Variants in RPL18 observed in about 807,000 individuals in gnomAD.
RPL18 encodes the protein large ribosomal subunit protein eL18.
RPL18 carries 4 observed loss-of-function variants against 25.0 expected under a neutral mutation model. The observed-to-expected ratio is 0.16, with a 90% CI of 0.08 to 0.37. The LOEUF (loss-of-function observed/expected upper bound fraction) is 0.37, where lower values mean the gene tolerates loss of function less well. RPL18 is among the 10% of genes least tolerant of loss of function. The pLI is 1.00. For missense variants in RPL18, 179 were observed against 267.9 expected (o/e 0.67, Z 2.32); for synonymous variants, 129 against 101.6 (o/e 1.27, Z -1.62).
rs781072274 is a variant in RPL18, at chr19:48,619,151, C to A, written c.-8G>T. On this transcript the variant is annotated 5_prime_UTR_variant, in exon 1 of 7. Transcript: ENST00000549920. ...GCAAAGCGAGCTCACCATGATGGCG[C>A]CTCCTGCTCGGCCAGGTCCGGAAAG... The A allele has an allele frequency of 3.1e-6, 5 of 1,597,948 alleles. No individual in the cohort carries two copies. The highest frequency in any genetic ancestry group is 2.3e-5 in the East Asian group (1 of 44,364).
intron 1 of RPL18, 190 bp downstream of exon 1, chr19:48,618,951 C>G: frequency 1.6e-6 from 1 of 611,974 alleles, no homozygotes; most frequent in Non-Finnish European, 2.9e-6. Flanking sequence ...TGGTCATCTA[C>G]TAAGTGGGGG....
In RPL18 at chr19:48,619,128, A is replaced by T; in HGVS notation, c.3+13T>A. On this transcript the variant is annotated intron_variant, in intron 1 of 6. Transcript: ENST00000549920. The stretch of plus-strand genomic sequence containing the variant: ...CGGATTATCCAGCCCCGAACGCCGC[A>T]AAGCGAGCTCACCATGATGGCGCCT... 2 of 1,600,782 alleles carry T rather than the reference A, an allele frequency of 1.2e-6. No individual in the cohort carries two copies. The highest frequency in any genetic ancestry group is 1.7e-6 in the Non-Finnish European group (2 of 1,174,698).
rs772165008 is a variant in RPL18, at chr19:48,619,116, C to A, written c.3+25G>T. The A allele has an allele frequency of 4.4e-6, 7 of 1,599,120 alleles. No individual in the cohort carries two copies. In the Admixed American group the frequency reaches 1.0e-4, roughly 24 times the overall value. ...GGCGGATGGCAGCGGATTATCCAGC[C>A]CCGAACGCCGCAAAGCGAGCTCACC... On this transcript the variant is annotated intron_variant, in intron 1 of 6. Transcript: ENST00000549920.
intron 4 of RPL18, 135 bp from the exon 5 acceptor site, chr19:48,616,337 G>C (rs2147654878): frequency 9.3e-7 from 1 of 1,080,938 alleles, no homozygotes; most frequent in Non-Finnish European, 1.3e-6. Flanking sequence ...GAGCACCCTG[G>C]GCTGACAGCA....
chr19:48,618,583 C>T (rs534507108), intron 1 of RPL18: 1 of 161,488 alleles, frequency 6.2e-6, no homozygotes, highest in Admixed American at 5.9e-5. Flanking sequence ...CCGTGATGAG[C>T]ATCTCCTGTG....
Position 48,619,174 on chromosome 19 carries a change from AAGAG to A in RPL18, c.-35_-32del, listed in dbSNP as rs773319753. ...CGCCTCCTGCTCGGCCAGGTCCGGA[AAGAG>A]AGAACGGGCTGGGGTGGGCGGGGAA... is the stretch of plus-strand genomic sequence containing the variant. On this transcript the variant is annotated 5_prime_UTR_variant, in exon 1 of 7. Coordinates refer to ENST00000549920, the MANE Select transcript of RPL18 (RefSeq NM_000979.4). The A allele has an allele frequency of 6.8e-7, 1 of 1,469,286 alleles. No individual in the cohort carries two copies. Among genetic ancestry groups the A allele is most frequent in the African/African-American group, 1.4e-5 (1 of 71,946 alleles). 91.0% of individuals were successfully genotyped at this position (1,469,286 alleles called of 1,614,324 possible). A position where few individuals can be genotyped will look rare whatever the true frequency, so the allele number is the denominator to read the frequency against.
chr19:48,616,873 C>T (rs2147656046), intron 3 of RPL18, 49 bp from the exon 4 acceptor site: 1 of 1,441,456 alleles, frequency 6.9e-7, no homozygotes, highest in Non-Finnish European at 9.8e-7. Flanking sequence ...TGTTTACATT[C>T]AGCCCCGCTT....
Position 48,617,714 on chromosome 19 carries a change from G to A in RPL18, c.90+77C>T, listed in dbSNP as rs987670225. The A allele has an allele frequency of 2.6e-6, 3 of 1,149,630 alleles. No homozygotes were observed. The African/African-American group carries it at 4.6e-5, about 17-fold the overall frequency. 71.2% of individuals were successfully genotyped at this position (1,149,630 alleles called of 1,614,324 possible). On this transcript the variant is annotated intron_variant, in intron 2 of 6. Coordinates refer to ENST00000549920, the MANE Select transcript of RPL18 (RefSeq NM_000979.4). ...TCTGCAGGCCCCTGGGAGGAGCTTG[G>A]TGCCAGCACTAGAATGGAGGATCTG...
intron 1 of RPL18, chr19:48,618,086 A>C: frequency 4.1e-6 from 2 of 493,518 alleles, no homozygotes; most frequent in South Asian, 5.4e-5. Flanking sequence ...GGCACACAGA[A>C]CCCTGAAACA....
chr19:48,617,432 A>G lies in RPL18; in HGVS notation c.91-9T>C. 1 of 1,604,206 alleles carries G rather than the reference A, an allele frequency of 6.2e-7. No individual in the cohort carries two copies. Among genetic ancestry groups the G allele is most frequent in the Non-Finnish European group, 8.5e-7 (1 of 1,171,164 alleles). ...GCCAGAAACCTGTATAACTGGAGGGACGGGAAGACAGTGAGAAGCTGGGAC... is the reference window on the plus strand; with the variant it reads ...GCCAGAAACCTGTATAACTGGAGGGGCGGGAAGACAGTGAGAAGCTGGGAC... On this transcript the variant is annotated splice_polypyrimidine_tract_variant and intron_variant, in intron 2 of 6. Coordinates refer to ENST00000549920, the MANE Select transcript of RPL18 (RefSeq NM_000979.4).
chr19:48,615,357 G>A lies in RPL18; in HGVS notation c.*15C>T, dbSNP rs1276342067. The A allele has an allele frequency of 3.1e-6, 5 of 1,597,364 alleles. No homozygotes were observed. Among genetic ancestry groups the A allele is most frequent in the East Asian group, 2.2e-5 (1 of 44,702 alleles). On this transcript the variant is annotated 3_prime_UTR_variant, in exon 7 of 7. Coordinates refer to ENST00000549920, the MANE Select transcript of RPL18 (RefSeq NM_000979.4). ...GTCAGCAAAAATCTTTTTAATAAGA[G>A]AGTAGGATCCAGGGTTAGTTTTTGT...
chr19:48,619,157 G>A lies in RPL18; in HGVS notation c.-14C>T, dbSNP rs772408728. On this transcript the variant is annotated 5_prime_UTR_variant, in exon 1 of 7. Transcript: ENST00000549920. Reference sequence around the variant, plus strand: ...CGAGCTCACCATGATGGCGCCTCCTGCTCGGCCAGGTCCGGAAAGAGAGAA... The same window carrying A: ...CGAGCTCACCATGATGGCGCCTCCTACTCGGCCAGGTCCGGAAAGAGAGAA... 1.1e-5 allele frequency: 17 copies of A among 1,566,972 alleles called. 1 individual carries two copies. The African/African-American group carries it at 1.2e-4, about 11-fold the overall frequency.
rs370501623 is a variant in RPL18, at chr19:48,616,684, C to T, written c.297+42G>A. On this transcript the variant is annotated intron_variant, in intron 4 of 6. Coordinates refer to ENST00000549920, the MANE Select transcript of RPL18 (RefSeq NM_000979.4). Reference sequence around the variant, plus strand: ...CAGCACAGCACAGCACAGCACAGTACAGCAAGGGTCTGATGGGTCTGCCCA... The same window carrying T: ...CAGCACAGCACAGCACAGCACAGTATAGCAAGGGTCTGATGGGTCTGCCCA... 6.0e-6 allele frequency: 8 copies of T among 1,330,092 alleles called. No homozygotes were observed. The African/African-American group carries it at 7.2e-5, about 12-fold the overall frequency. The allele number at this position is 1,330,092 out of a possible 1,614,324, so 82.4% of individuals were successfully genotyped here.
In RPL18 at chr19:48,616,208, G is replaced by T. The variant is rs1226378516; in HGVS notation, c.298-6C>A. On this transcript the variant is annotated splice_region_variant and splice_polypyrimidine_tract_variant and intron_variant, in intron 4 of 6. Transcript: ENST00000549920. Reference sequence around the variant, plus strand: ...GTCACGCGCAGTGCACATACCTGGTGGAGAGGACAAGGCTGGCGGGTCAGA... The same window carrying T: ...GTCACGCGCAGTGCACATACCTGGTTGAGAGGACAAGGCTGGCGGGTCAGA... The T allele has an allele frequency of 3.1e-6, 5 of 1,613,372 alleles. No homozygotes were observed. The highest frequency in any genetic ancestry group is 4.2e-6 in the Non-Finnish European group (5 of 1,179,962).
chr19:48,617,697 C>G (rs927252757), intron 2 of RPL18, 94 bp downstream of exon 2: 1 of 959,874 alleles, frequency 1.0e-6, no homozygotes, highest in African/African-American at 1.6e-5. Context: ...GCTCTGCAGG[C>G]CCCTGGGAGG....
In RPL18 at chr19:48,617,772, C is replaced by T. The variant is rs1411012016; in HGVS notation, c.90+19G>A. On this transcript the variant is annotated intron_variant, in intron 2 of 6. Transcript: ENST00000549920. ...GACCTGGGGTGACCCTTCCCAAAGA[C>T]CTCAGGGCCCAGCCTCACCTTGACC... 1 of 1,604,590 alleles carries T rather than the reference C, an allele frequency of 6.2e-7. No individual in the cohort carries two copies. The highest frequency in any genetic ancestry group is 8.5e-7 in the Non-Finnish European group (1 of 1,171,432).
At chr19:48,616,903 G>A in intron 3 of RPL18, 79 bp from the exon 4 acceptor site, 2 of 1,086,420 alleles carry the variant, frequency 1.8e-6, no homozygotes, top group Non-Finnish European at 2.8e-6. Flanking sequence ...CCAGGCCAGG[G>A]CAGCTGTGCC....
chr19:48,618,942 G>T, intron 1 of RPL18, 199 bp downstream of exon 1: 1 of 596,136 alleles, frequency 1.7e-6, no homozygotes, highest in Non-Finnish European at 3.0e-6. Flanking sequence ...ACCTCCACTT[G>T]GTCATCTACT....
At chr19:48,618,004 A>G (rs1974234950) in intron 1 of RPL18, 127 bp from the exon 2 acceptor site, 2 of 679,836 alleles carry the variant, frequency 2.9e-6, no homozygotes, top group Non-Finnish European at 5.1e-6. Context: ...TCCCAGGCCC[A>G]CCACCAGGAG....
Sources: allele counts gnomAD v4.1 joint callset, GRCh38; gene constraint gnomAD v4.1.1; transcripts MANE v1.5; gene names NCBI Gene and HGNC (gene_info 2026-07-23, HGNC 2026-07-21).